Variants in SHROOM4 observed in about 807,000 individuals in gnomAD.
SHROOM4 encodes the protein protein Shroom4.
A neutral mutation model predicts 80.3 loss-of-function variants in SHROOM4; 17 were observed. That is an observed-to-expected ratio of 0.21 (90% confidence interval 0.14 to 0.32). The LOEUF is 0.32. SHROOM4 is among the 10% of genes least tolerant of loss of function. SHROOM4 has a pLI of 1.00. For synonymous variants in SHROOM4, 400 were observed against 437.5 expected (o/e 0.91, Z 1.07); for missense variants, 993 against 1,140.3 (o/e 0.87, Z 1.86).
chrX:50,658,576 G>T (rs1557259671), intron 2 of SHROOM4, among the ~76,000 whole-genome samples: 1 of 111,580 alleles, frequency 9.0e-6, no homozygotes, highest in Non-Finnish European at 1.9e-5. Flanking sequence ...TGGCTTCCTA[G>T]TACTTATGGG....
rs192100275 is a variant in SHROOM4 at position 50,719,434 on chromosome X, A to G, written c.118-23497T>C. ...TTCTGTGGATAAATCAGAGTCGCCA[A>G]TTTTATCCTCCAAGTCCTTGCTCAG... On this transcript the variant is annotated intron_variant, in intron 1 of 8. Coordinates refer to ENST00000376020, the MANE Select transcript of SHROOM4 (RefSeq NM_020717.5). 3.5e-3 allele frequency among the ~76,000 whole-genome samples: 391 copies of G among 111,647 alleles called. 3 individuals are homozygous for G. The highest frequency in any genetic ancestry group is 0.012 in the African/African-American group (365 of 30,784).
intron 2 of SHROOM4, among the ~76,000 whole-genome samples, chrX:50,660,287 T>C (rs1217221281): frequency 1.8e-5 from 2 of 111,536 alleles, no homozygotes; most frequent in South Asian, 3.8e-4. Flanking sequence ...TTAGTAGATC[T>C]GGGGTGGAGC....
rs202000417 is a variant in SHROOM4 at position 50,607,850 on chromosome X, C to A, written c.3292G>T (p.Ala1098Ser). Reference sequence around the variant, plus strand: ...GGAGGAGGGCGAGGAGGAGGAAAGGCCTTCTTCCTGGCTCCGAGAAGATCC... The same window carrying A: ...GGAGGAGGGCGAGGAGGAGGAAAGGACTTCTTCCTGGCTCCGAGAAGATCC... Reference protein sequence around the residue: ...QSDLLGARKKAFPPPRPPPPN... With the variant: ...QSDLLGARKKSFPPPRPPPPN... The change falls in exon 6 of 9, where the codon GCC becomes TCC. Residue 1098 changes from alanine to serine, a missense_variant. By Grantham distance (99) the Ala-to-Ser change is moderately conservative (BLOSUM62 1). Coordinates refer to ENST00000376020, the MANE Select transcript of SHROOM4 (RefSeq NM_020717.5). 1.4e-5 allele frequency: 17 copies of A among 1,207,438 alleles called. No individual in the cohort carries two copies. The African/African-American group carries it at 2.6e-4, about 19-fold the overall frequency.
chrX:50,699,690 A>C (rs1933467616), intron 1 of SHROOM4, among the ~76,000 whole-genome samples: 1 of 111,900 alleles, frequency 8.9e-6, no homozygotes, highest in African/African-American at 3.2e-5. Flanking sequence ...ATGAGCTAGC[A>C]ATTTGGAAAT....
rs1282372374 is a variant in SHROOM4, at chrX:50,592,689, A to G, written c.*4006T>C. On this transcript the variant is annotated 3_prime_UTR_variant, in exon 9 of 9. Coordinates refer to ENST00000376020, the MANE Select transcript of SHROOM4 (RefSeq NM_020717.5). ...CAGATCACCAAGGCCCTTGCTTTCC[A>G]GGGAGCTGAGCATGAAGGTGTGAGA... 8.3e-6 allele frequency: 1 copy of G among 120,295 alleles called. No homozygotes were observed. Among genetic ancestry groups the G allele is most frequent in the Non-Finnish European group, 1.7e-5 (1 of 57,888 alleles). The allele number at this position is 120,295 out of a possible 1,213,427, so 9.9% of individuals were successfully genotyped here. A position where few individuals can be genotyped will look rare whatever the true frequency, so the allele number is the denominator to read the frequency against.
intron 5 of SHROOM4, among the ~76,000 whole-genome samples, chrX:50,617,580 A>C (rs1329543444): frequency 1.8e-5 from 2 of 110,480 alleles, no homozygotes; most frequent in Admixed American, 1.9e-4. Flanking sequence ...GGATATTCAA[A>C]GGTGTCTTAA....
At chrX:50,610,618 G>A (rs782812604) in intron 5 of SHROOM4, among the ~76,000 whole-genome samples, 1 of 111,539 alleles carries the variant, frequency 9.0e-6, no homozygotes, top group East Asian at 2.8e-4. Context: ...GCAGGATCTT[G>A]TCTGTCTCAT....
rs1929078374 is a variant in SHROOM4, at chrX:50,595,677, AAC to A, written c.*1016_*1017del. The A allele has an allele frequency of 3.8e-6, 1 of 265,353 alleles. No homozygotes were observed. Among genetic ancestry groups the A allele is most frequent in the Non-Finnish European group, 6.9e-6 (1 of 144,183 alleles). The allele number at this position is 265,353 out of a possible 1,213,427, so 21.9% of individuals were successfully genotyped here. A position where few individuals can be genotyped will look rare whatever the true frequency, so the allele number is the denominator to read the frequency against. On this transcript the variant is annotated 3_prime_UTR_variant, in exon 9 of 9. Transcript: ENST00000376020. ...TCGGTAGCTATGGTGGGAACAATTCAACGCCTTGGCACTTGCTTACCTAGCCA... is the reference window on the plus strand; with the variant it reads ...TCGGTAGCTATGGTGGGAACAATTCAGCCTTGGCACTTGCTTACCTAGCCA...
chrX:50,795,029 C>CAT lies in SHROOM4; in HGVS notation c.117+18871_117+18872dup, dbSNP rs1318282860. 5.8e-3 allele frequency among the ~76,000 whole-genome samples: 106 copies of CAT among 18,172 alleles called. 4 individuals are homozygous for CAT. The highest frequency in any genetic ancestry group is 9.5e-3 in the Non-Finnish European group (71 of 7,459). 15.8% of individuals were successfully genotyped at this position (18,172 alleles called of 115,157 possible). On this transcript the variant is annotated intron_variant, in intron 1 of 8. Coordinates refer to ENST00000376020, the MANE Select transcript of SHROOM4 (RefSeq NM_020717.5). ...TCTTTATATATATCTTTATATATATCATATATATCTCATATATATATGATA... is the reference window on the plus strand; with the variant it reads ...TCTTTATATATATCTTTATATATATCATATATATATCTCATATATATATGATA...
chrX:50,654,434 T>C (rs1932229579), intron 2 of SHROOM4, among the ~76,000 whole-genome samples: 2 of 111,798 alleles, frequency 1.8e-5, no homozygotes, highest in Admixed American at 1.9e-4. Flanking sequence ...ACAAATAAAA[T>C]TGTACACATT....
chrX:50,619,227 G>A (rs1930475147), intron 5 of SHROOM4, among the ~76,000 whole-genome samples: 1 of 110,422 alleles, frequency 9.1e-6, no homozygotes, highest in Non-Finnish European at 1.9e-5. Flanking sequence ...CCTCTTCCTC[G>A]GCCCTTTTGA....
At chrX:50,662,645 T>C (rs1932549116) in intron 2 of SHROOM4, among the ~76,000 whole-genome samples, 1 of 112,501 alleles carries the variant, frequency 8.9e-6, no homozygotes. Flanking sequence ...GCTCATTTAC[T>C]CATGTAATAA....
intron 1 of SHROOM4, among the ~76,000 whole-genome samples, chrX:50,812,607 C>A (rs1207366210): frequency 2.7e-5 from 3 of 110,934 alleles, no homozygotes; most frequent in African/African-American, 6.6e-5. Context: ...AGTGTGGGCC[C>A]CAAGGCCTGA....
chrX:50,673,932 A>C (rs1441440780), intron 2 of SHROOM4, among the ~76,000 whole-genome samples: 3 of 108,792 alleles, frequency 2.8e-5, no homozygotes, highest in African/African-American at 1.0e-4. Flanking sequence ...CAACATACCA[A>C]AAGCAATCAC....
chrX:50,633,063 G>A (rs1931135600), intron 4 of SHROOM4, 115 bp downstream of exon 4: 1 of 768,133 alleles, frequency 1.3e-6, no homozygotes, highest in African/African-American at 2.1e-5. Context: ...AACTACTGAA[G>A]CCAGTGCTGT....
At chrX:50,651,841 T>G (rs1932086482) in intron 2 of SHROOM4, among the ~76,000 whole-genome samples, 1 of 110,815 alleles carries the variant, frequency 9.0e-6, no homozygotes, top group Admixed American at 9.6e-5. Flanking sequence ...TGTTTGGTTT[T>G]CTGTTCCTGT....
At chrX:50,753,186 G>T (rs1470716005) in intron 1 of SHROOM4, among the ~76,000 whole-genome samples, 1 of 111,698 alleles carries the variant, frequency 9.0e-6, no homozygotes, top group Non-Finnish European at 1.9e-5. Flanking sequence ...ATTGCTTCAG[G>T]CCTCAGTTCA....
Position 50,617,595 on chromosome X carries a change from T to G in SHROOM4, c.2958-9411A>C, listed in dbSNP as rs138420228. Among the ~76,000 whole-genome samples, 674 of 107,616 alleles carry G rather than the reference T, an allele frequency of 6.3e-3. 4 individuals are homozygous for G. The highest frequency in any genetic ancestry group is 0.052 in the Middle Eastern group (11 of 211). The allele number at this position is 107,616 out of a possible 115,157, so 93.5% of individuals were successfully genotyped here. ...GGATATTCAAAGGTGTCTTAAGTACTAACTATGTGTGTTAGCCTTAAAAAA... is the reference window on the plus strand; with the variant it reads ...GGATATTCAAAGGTGTCTTAAGTACGAACTATGTGTGTTAGCCTTAAAAAA... On this transcript the variant is annotated intron_variant, in intron 5 of 8. Coordinates refer to ENST00000376020, the MANE Select transcript of SHROOM4 (RefSeq NM_020717.5).
chrX:50,757,037 T>C (rs1335383599), intron 1 of SHROOM4, among the ~76,000 whole-genome samples: 1 of 111,713 alleles, frequency 9.0e-6, no homozygotes, highest in African/African-American at 3.3e-5. Context: ...TGTGGTTTTG[T>C]TGTTGTATCT....
Sources: gnomAD v4.1 joint callset for allele counts (sites outside exome capture counted in the v4.1 genomes callset) on GRCh38, gnomAD v4.1.1 for gene constraint, MANE v1.5 for transcripts, NCBI Gene and HGNC (gene_info 2026-07-23, HGNC 2026-07-21) for gene names.